The following RARB variants were observed in gnomAD, a reference collection of about 807,000 sequenced individuals.
RARB encodes retinoic acid receptor beta.
A neutral mutation model predicts 51.9 loss-of-function variants in RARB; 17 were observed. The ratio of observed to expected loss-of-function variants is 0.33; its 90% CI spans 0.22 to 0.49. The LOEUF (loss-of-function observed/expected upper bound fraction) is 0.49. RARB is among the 20% of genes least tolerant of loss of function. The probability of loss-of-function intolerance (pLI) is 0.99; values close to 1 mark genes in which losing one functional copy is unlikely to be tolerated. For missense variants in RARB, 369 were observed against 550.8 expected (o/e 0.67, Z 3.30); for synonymous variants, 215 against 195.4 (o/e 1.10, Z -0.84).
chr3:25,405,710 C>A (rs1311671939), intron 5 of RARB, among the ~76,000 whole-genome samples: 1 of 152,212 alleles, frequency 6.6e-6, no homozygotes, highest in Non-Finnish European at 1.5e-5. Context: ...TCCTTGTGTT[C>A]AGTAGCTGCA....
At chr3:25,429,238 G>A (rs1708106190) in intron 1 of RARB, among the ~76,000 whole-genome samples, 1 of 152,144 alleles carries the variant, frequency 6.6e-6, no homozygotes, top group Non-Finnish European at 1.5e-5. Flanking sequence ...GACACATTTT[G>A]CAGTTTTTAC....
chr3:25,256,913 T>A (rs77368242), intron 5 of RARB, among the ~76,000 whole-genome samples: 1 of 152,102 alleles, frequency 6.6e-6, no homozygotes, highest in Non-Finnish European at 1.5e-5. Context: ...CGTCTTCTCA[T>A]TGAACATCAT....
At chr3:25,330,210 T>C (rs192221486) in intron 5 of RARB, among the ~76,000 whole-genome samples, 3 of 151,680 alleles carry the variant, frequency 2.0e-5, no homozygotes, top group East Asian at 3.9e-4. Context: ...AGACACATAA[T>C]TGTCAGATTC....
intron 5 of RARB, among the ~76,000 whole-genome samples, chr3:25,355,515 GTTTA>G (rs1237373916): frequency 5.3e-5 from 8 of 151,880 alleles, no homozygotes; most frequent in Non-Finnish European, 1.0e-4. Flanking sequence ...TTGTTTGTTT[GTTTA>G]TTTGTCACTT....
At chr3:25,202,279 T>C (rs1321886950) in intron 5 of RARB, among the ~76,000 whole-genome samples, 1 of 152,206 alleles carries the variant, frequency 6.6e-6, no homozygotes, top group Non-Finnish European at 1.5e-5. Flanking sequence ...TTGGTGGTGA[T>C]ATCCCCTTTA....
At chr3:24,867,059 G>A (rs1470014353) in intron 2 of RARB, among the ~76,000 whole-genome samples, 1 of 152,096 alleles carries the variant, frequency 6.6e-6, no homozygotes, top group Non-Finnish European at 1.5e-5. Flanking sequence ...ATCTCAAAAG[G>A]CCAAGCTTAG....
rs572628614 is a variant in RARB at position 25,333,015 on chromosome 3, C to G, written c.179-128178C>G. Among the ~76,000 whole-genome samples the G allele has an allele frequency of 8.7e-3, 1,318 of 152,046 alleles. 8 individuals are homozygous for G. Among genetic ancestry groups the G allele is most frequent in the Middle Eastern group, 0.024 (7 of 294 alleles). On this transcript the variant is annotated intron_variant, in intron 5 of 11. Coordinates refer to the RARB transcript ENST00000383772. Reference sequence around the variant, plus strand: ...AGGAGAACTACAAACCACTGCTCAACAAAATAAAAGAGGACACAAACAAAT... The same window carrying G: ...AGGAGAACTACAAACCACTGCTCAAGAAAATAAAAGAGGACACAAACAAAT...
At chr3:25,339,465 A>T (rs1471399904) in intron 5 of RARB, among the ~76,000 whole-genome samples, 3 of 152,092 alleles carry the variant, frequency 2.0e-5, no homozygotes, top group Admixed American at 2.0e-4. Context: ...TCTGTCCATA[A>T]ATCTTCCACC....
At chr3:25,282,132 G>T (rs150024162) in intron 5 of RARB, among the ~76,000 whole-genome samples, 17 of 152,326 alleles carry the variant, frequency 1.1e-4, no homozygotes, top group East Asian at 9.6e-4. Flanking sequence ...CATGCAGGAA[G>T]AGATTTAATC....
chr3:25,497,444 A>C (rs1340031560), intron 2 of RARB, among the ~76,000 whole-genome samples: 1 of 151,602 alleles, frequency 6.6e-6, no homozygotes, highest in Non-Finnish European at 1.5e-5. Flanking sequence ...CCAAAATACC[A>C]CCTCTTCTTT....
intron 5 of RARB, among the ~76,000 whole-genome samples, chr3:25,418,616 A>AG (rs1161067579): frequency 2.0e-5 from 3 of 152,124 alleles, no homozygotes; most frequent in African/African-American, 7.2e-5. Flanking sequence ...GTGAAAGAAA[A>AG]AAAAAAATGA....
At chr3:25,089,806 G>A (rs927519471) in intron 3 of RARB, among the ~76,000 whole-genome samples, 5 of 152,186 alleles carry the variant, frequency 3.3e-5, no homozygotes, top group Middle Eastern at 3.4e-3. Context: ...TGATACTAGA[G>A]TCAAGATGGA....
chr3:25,105,476 T>C (rs1699482174), intron 3 of RARB, among the ~76,000 whole-genome samples: 1 of 151,624 alleles, frequency 6.6e-6, no homozygotes, highest in East Asian at 1.9e-4. Flanking sequence ...ATCAGTCATA[T>C]GTTTTGCCAA....
At chr3:25,382,262 A>T (rs1282526217) in intron 5 of RARB, among the ~76,000 whole-genome samples, 2 of 152,234 alleles carry the variant, frequency 1.3e-5, no homozygotes, top group Non-Finnish European at 2.9e-5. Flanking sequence ...CTCTCAAAAT[A>T]ATCAGGACAA....
intron 2 of RARB, among the ~76,000 whole-genome samples, chr3:25,024,388 A>G (rs756391584): frequency 2.4e-4 from 37 of 152,296 alleles, no homozygotes; most frequent in Middle Eastern, 3.4e-3. Context: ...GACCATGGAG[A>G]TACAATTGTG....
intron 2 of RARB, among the ~76,000 whole-genome samples, chr3:24,859,131 G>A (rs1018462532): frequency 6.6e-6 from 1 of 151,738 alleles, no homozygotes; most frequent in African/African-American, 2.4e-5. Flanking sequence ...AGCCCTACCT[G>A]GTTTTTAGAA....
chr3:25,296,788 A>G (rs1272616171), intron 5 of RARB, among the ~76,000 whole-genome samples: 1 of 152,148 alleles, frequency 6.6e-6, no homozygotes, highest in Non-Finnish European at 1.5e-5. Context: ...TGGAAGTCCC[A>G]TTGCTTTTGT....
At chr3:25,441,289 T>C (rs1708670046) in intron 1 of RARB, 1 of 400,732 alleles carries the variant, frequency 2.5e-6, no homozygotes, top group Non-Finnish European at 4.8e-6. Flanking sequence ...CTCTGGAAGC[T>C]CAGATCTGTT....
chr3:24,960,244 G>C (rs548532514), intron 2 of RARB, among the ~76,000 whole-genome samples: 1 of 152,168 alleles, frequency 6.6e-6, no homozygotes, highest in African/African-American at 2.4e-5. Flanking sequence ...TCAGATGGTT[G>C]CCTTTAAAAT....
Sources: allele counts gnomAD v4.1 joint callset (sites outside exome capture counted in the v4.1 genomes callset), GRCh38; gene constraint gnomAD v4.1.1; transcripts MANE v1.5; gene names NCBI Gene and HGNC (gene_info 2026-07-23, HGNC 2026-07-21).